LMOD1: variants seen among roughly 807,000 people sequenced by gnomAD.
LMOD1 encodes the protein leiomodin-1.
Under a neutral mutation model 36.5 loss-of-function variants are expected in LMOD1, and 8 were observed. The ratio of observed to expected loss-of-function variants is 0.22; its 90% CI spans 0.13 to 0.40. The LOEUF (loss-of-function observed/expected upper bound fraction) is 0.40. Among genes scored for constraint, LMOD1 ranks in the 10% least tolerant of loss-of-function variants. The pLI is 1.00. For synonymous variants in LMOD1, 284 were observed against 288.7 expected, an observed-to-expected ratio of 0.98 and a Z score of 0.17; for missense variants, 630 against 751.1, an observed-to-expected ratio of 0.84 and a Z score of 1.88.
At chr1:201,906,575 C>G (rs1039475002) in intron 1 of LMOD1, among the ~76,000 whole-genome samples, 3 of 152,198 alleles carry the variant, frequency 2.0e-5, no homozygotes, top group Admixed American at 2.0e-4. Flanking sequence ...CAGCAGATGC[C>G]TTACAGGGCT....
intron 1 of LMOD1, among the ~76,000 whole-genome samples, chr1:201,916,445 G>T (rs1367322713): frequency 3.9e-5 from 6 of 152,020 alleles, no homozygotes. Context: ...GCCAAGGGAG[G>T]TCGAGGTTGC....
At chr1:201,901,460 C>T (rs1385987095) in intron 1 of LMOD1, among the ~76,000 whole-genome samples, 1 of 144,302 alleles carries the variant, frequency 6.9e-6, no homozygotes, top group Non-Finnish European at 1.5e-5. Context: ...CAAGACTGCA[C>T]CATTGCACTC....
chr1:201,901,059 A>G (rs552397942), intron 1 of LMOD1, among the ~76,000 whole-genome samples: 3 of 152,280 alleles, frequency 2.0e-5, no homozygotes, highest in African/African-American at 4.8e-5. Flanking sequence ...GCCCTTTCCT[A>G]TCATGGGTGA....
At chr1:201,944,161 A>T (rs2820302) in intron 1 of LMOD1, among the ~76,000 whole-genome samples, 26,993 of 152,202 alleles carry the variant, frequency 0.18, 3,081 homozygotes, top group Non-Finnish European at 0.26. Flanking sequence ...AAGGATGTAC[A>T]CACAAACACA....
chr1:201,940,265 C>A lies in LMOD1; in HGVS notation c.261+5815G>T, dbSNP rs1558244312. On this transcript the variant is annotated intron_variant, in intron 1 of 2. Transcript: ENST00000367288. ...ACAGCGGCACGATCTCGGCTCACTG[C>A]AACCTCCATCTCCTGGGTTCAAGGG... Among the ~76,000 whole-genome samples, 3 of 149,824 alleles carry A rather than the reference C, an allele frequency of 2.0e-5. No homozygotes were observed. In the South Asian group the frequency reaches 6.4e-4, roughly 32 times the overall value.
At position 201,899,780 on chromosome 1, in the gene LMOD1, G is replaced by C; in HGVS notation, c.1233C>G (p.Leu411=). The C allele has an allele frequency of 6.2e-7, 1 of 1,614,062 alleles. No homozygotes were observed. Among genetic ancestry groups the C allele is most frequent in the Non-Finnish European group, 8.5e-7 (1 of 1,179,898 alleles). Residue 411 remains leucine, a synonymous_variant, in exon 2 of 3, where the codon CTC becomes CTG. Coordinates refer to ENST00000367288, the MANE Select transcript of LMOD1 (RefSeq NM_012134.3). The surrounding 1 kb of genome is among the most constrained non-coding windows in gnomAD (Gnocchi z 6.3). The part of the protein sequence containing the change: ...GKGILAIFRA[L]LQNNTLTELR... ...GCTCGGTCAGCGTGTTGTTCTGGAG[G>C]AGGGCCCGGAAGATGGCCAGGATGC...
intron 2 of LMOD1, among the ~76,000 whole-genome samples, chr1:201,898,862 C>T (rs778158347): frequency 7.2e-5 from 11 of 152,054 alleles, no homozygotes; most frequent in African/African-American, 2.4e-4. Flanking sequence ...CTAAGTAAAA[C>T]GTGGATCATT....
chr1:201,936,468 G>C (rs1367301205), intron 1 of LMOD1, among the ~76,000 whole-genome samples: 3 of 152,054 alleles, frequency 2.0e-5, no homozygotes, highest in Non-Finnish European at 4.4e-5. Context: ...TACTTCCAAG[G>C]CCTCGTCTCC....
chr1:201,910,662 A>T (rs1681479827), intron 1 of LMOD1, among the ~76,000 whole-genome samples: 1 of 141,148 alleles, frequency 7.1e-6, no homozygotes, highest in African/African-American at 2.7e-5. Context: ...CAAATTCACT[A>T]CCTCTGGGCA....
intron 1 of LMOD1, among the ~76,000 whole-genome samples, chr1:201,902,984 C>T (rs190191811): frequency 6.6e-6 from 1 of 152,160 alleles, no homozygotes; most frequent in African/African-American, 2.4e-5. Context: ...ATGTCCTCCC[C>T]TAAAGGTTTT....
chr1:201,919,406 G>A (rs997498512), intron 1 of LMOD1, among the ~76,000 whole-genome samples: 3 of 151,886 alleles, frequency 2.0e-5, no homozygotes, highest in Admixed American at 6.6e-5. Context: ...GTTTCACCAT[G>A]TTGGCCAGGC....
intron 1 of LMOD1, among the ~76,000 whole-genome samples, chr1:201,916,615 A>G (rs1237343121): frequency 3.3e-5 from 5 of 152,248 alleles, no homozygotes; most frequent in Non-Finnish European, 7.3e-5. Context: ...CAGCAAAAAC[A>G]AAACAAAATT....
chr1:201,924,662 AAAAAAAGAAAGAAAGAAAGAAAG>A (rs1558240417), intron 1 of LMOD1, among the ~76,000 whole-genome samples: 2 of 115,850 alleles, frequency 1.7e-5, no homozygotes, highest in Admixed American at 9.3e-5. Context: ...GAAAGAAAGA[AAAAAAAGAAAGAAAGAAAGAAAG>A]AAAGAAAGAA....
rs1558233073 is a variant in LMOD1 at position 201,896,619 on chromosome 1, AG to A, written c.*1752del. ...CTAGTGCCCAGTGCCCAGCAGGCAC[AG>A]GGGGGTGCAGTGGGACTGACAGTGA... On this transcript the variant is annotated 3_prime_UTR_variant, in exon 3 of 3. Coordinates refer to ENST00000367288, the MANE Select transcript of LMOD1 (RefSeq NM_012134.3). The A allele has an allele frequency of 2.2e-6, 1 of 456,760 alleles. No homozygotes were observed. Among genetic ancestry groups the A allele is most frequent in the Non-Finnish European group, 4.4e-6 (1 of 226,960 alleles). The allele number at this position is 456,760 out of a possible 1,614,324, so 28.3% of individuals were successfully genotyped here. A position where few individuals can be genotyped will look rare whatever the true frequency, so the allele number is the denominator to read the frequency against.
At chr1:201,941,204 G>A (rs1682110143) in intron 1 of LMOD1, among the ~76,000 whole-genome samples, 1 of 151,998 alleles carries the variant, frequency 6.6e-6, no homozygotes, top group Non-Finnish European at 1.5e-5. Flanking sequence ...TGATCCTCCT[G>A]TCTCAGCCTC....
intron 1 of LMOD1, among the ~76,000 whole-genome samples, chr1:201,937,681 G>A (rs1240533672): frequency 2.0e-5 from 3 of 152,032 alleles, no homozygotes; most frequent in Non-Finnish European, 4.4e-5. Flanking sequence ...CGGGAGGATT[G>A]CTTGAGCCCA....
At position 201,898,176 on chromosome 1, in the gene LMOD1, T is replaced by C; in HGVS notation, c.*196A>G. 2 of 627,680 alleles carry C rather than the reference T, an allele frequency of 3.2e-6. No homozygotes were observed. The highest frequency in any genetic ancestry group is 3.9e-5 in the South Asian group (2 of 50,664). The allele number at this position is 627,680 out of a possible 1,614,324, so 38.9% of individuals were successfully genotyped here. On this transcript the variant is annotated 3_prime_UTR_variant, in exon 3 of 3. Coordinates refer to ENST00000367288, the MANE Select transcript of LMOD1 (RefSeq NM_012134.3). ...GTACTAAAGCAAAATTTGGAGAGCC[T>C]CAGAGACAAGAAAAGGAAAGTGAGA...
At position 201,945,495 on chromosome 1, in the gene LMOD1, TA is replaced by T. The variant is rs2102934689; in HGVS notation, c.261+584del. ...CTTCCCTGGGAATAAATTTGAAGCT[TA>T]TCAGGTCTTTAAGCCACATTTCCCA... On this transcript the variant is annotated intron_variant, in intron 1 of 2. Transcript: ENST00000367288. Among the ~76,000 whole-genome samples the T allele has an allele frequency of 1.3e-5, 2 of 152,088 alleles. 1 individual carries two copies. Among genetic ancestry groups the T allele is most frequent in the South Asian group, 4.2e-4 (2 of 4,804 alleles).
chr1:201,945,575 C>G (rs1027927812), intron 1 of LMOD1, among the ~76,000 whole-genome samples: 10 of 152,154 alleles, frequency 6.6e-5, no homozygotes, highest in African/African-American at 9.7e-5. Flanking sequence ...TCATTTACCC[C>G]CAAGCCTCCT....
Sources: gnomAD v4.1 joint callset for allele counts (sites outside exome capture counted in the v4.1 genomes callset) on GRCh38, gnomAD v4.1.1 for gene constraint, Gnocchi (gnomAD v3.1) non-coding constraint, MANE v1.5 for transcripts, NCBI Gene and HGNC (gene_info 2026-07-23, HGNC 2026-07-21) for gene names.